BDH1: variants seen among roughly 807,000 people sequenced by gnomAD.
The protein encoded by BDH1 is 3-hydroxybutyrate dehydrogenase 1, also known as D-beta-hydroxybutyrate dehydrogenase, mitochondrial.
A neutral mutation model predicts 33.1 loss-of-function variants in BDH1; 30 were observed. The ratio of observed to expected loss-of-function variants is 0.91; its 90% CI spans 0.68 to 1.23. The LOEUF is 1.23. BDH1 is among the 50% of genes most tolerant of loss of function. BDH1 has a pLI of 0.00. For missense variants in BDH1, 443 were observed against 464.4 expected (o/e 0.95, Z 0.42); for synonymous variants, 190 against 183.6 (o/e 1.03, Z -0.28).
rs561689133 is a variant in BDH1, at chr3:197,550,955, T to C, written c.-44+3607A>G. ...TTTTATTTTTATGGGTAGGTCGTAG[T>C]TCTATATATTTACGGGGTACTATTT... On this transcript the variant is annotated intron_variant, in intron 2 of 7. Coordinates refer to ENST00000392379, the MANE Select transcript of BDH1 (RefSeq NM_203314.3). Among the ~76,000 whole-genome samples, 3 of 152,288 alleles carry C rather than the reference T, an allele frequency of 2.0e-5. No homozygotes were observed. In the East Asian group the frequency reaches 5.8e-4, roughly 29 times the overall value.
chr3:197,560,250 C>T (rs910701636), upstream of BDH1, among the ~76,000 whole-genome samples: 2 of 152,176 alleles, frequency 1.3e-5, no homozygotes, highest in African/African-American at 4.8e-5. Context: ...AATCTGCTAG[C>T]CTTAATAAAG....
intron 1 of BDH1, among the ~76,000 whole-genome samples, chr3:197,571,473 G>A (rs1053450488): frequency 2.0e-5 from 3 of 152,172 alleles, no homozygotes; most frequent in African/African-American, 7.2e-5. Flanking sequence ...TGTTGTGGAA[G>A]GGACCCAGTG....
chr3:197,522,736 C>T lies in BDH1; in HGVS notation c.313G>A (p.Asp105Asn). 1.9e-6 allele frequency: 3 copies of T among 1,614,192 alleles called. No homozygotes were observed. The highest frequency in any genetic ancestry group is 2.5e-6 in the Non-Finnish European group (3 of 1,180,038). The change falls in exon 6 of 8, where the codon GAC becomes AAC. Residue 105 changes from aspartate (D) to asparagine (N), a missense_variant. By Grantham distance (23) the Asp-to-Asn change is conservative. Transcript: ENST00000392379. This position sits in a 1 kb window ranked among gnomAD's most constrained non-coding sequence, Gnocchi z 4.8. ...TTGAGCTGGACGGTTCTCAATCGGT[C>T]ACTGTTTAGGCTGTCCAGCTCCTTG... Reference protein sequence around the residue: ...GVKELDSLNSDRLRTVQLNVC... With the variant: ...GVKELDSLNSNRLRTVQLNVC...
intron 3 of BDH1, chr3:197,538,341 G>A: frequency 2.2e-6 from 1 of 455,800 alleles, no homozygotes; most frequent in Non-Finnish European, 4.4e-6. Context: ...TTCAAATTTT[G>A]TTTTTTGTTT....
intron 3 of BDH1, among the ~76,000 whole-genome samples, chr3:197,542,671 A>C (rs1715751909): frequency 6.6e-6 from 1 of 151,590 alleles, no homozygotes; most frequent in Non-Finnish European, 1.5e-5. Flanking sequence ...TTACAGGCAC[A>C]CGCCACAGGC....
chr3:197,527,274 C>T (rs999219128), intron 5 of BDH1, among the ~76,000 whole-genome samples: 20 of 152,182 alleles, frequency 1.3e-4, no homozygotes, highest in Non-Finnish European at 2.4e-4. Flanking sequence ...AGTCAAGAAA[C>T]GAAGTGTTAC....
chr3:197,537,323 G>A (rs1319985806), intron 3 of BDH1, among the ~76,000 whole-genome samples: 1 of 152,170 alleles, frequency 6.6e-6, no homozygotes. Context: ...ATATCCATAT[G>A]TTCATTGCTA....
At position 197,525,329 on chromosome 3, in the gene BDH1, G is replaced by C. The variant is rs1365776161; in HGVS notation, c.268-2548C>G. Among the ~76,000 whole-genome samples the C allele has an allele frequency of 6.6e-6, 1 of 152,220 alleles. No individual in the cohort carries two copies. Among genetic ancestry groups the C allele is most frequent in the East Asian group, 1.9e-4 (1 of 5,196 alleles). On this transcript the variant is annotated intron_variant, in intron 5 of 7. Coordinates refer to ENST00000392379, the MANE Select transcript of BDH1 (RefSeq NM_203314.3). This position sits in a 1 kb window ranked among gnomAD's most constrained non-coding sequence, Gnocchi z 4.9. ...GGTGGATTCTAGCTGACATGCACAA[G>C]AGGTATCTAAATGTCCTTCCTCTTG...
At chr3:197,562,090 G>A (rs1717280090) in intron 1 of BDH1, among the ~76,000 whole-genome samples, 1 of 152,136 alleles carries the variant, frequency 6.6e-6, no homozygotes. Flanking sequence ...GACCTCTTTG[G>A]CTTTGGGGGA....
intron 2 of BDH1, among the ~76,000 whole-genome samples, chr3:197,550,693 G>A (rs890894799): frequency 6.6e-6 from 1 of 151,990 alleles, no homozygotes; most frequent in Non-Finnish European, 1.5e-5. Context: ...GGAGAAAGCC[G>A]ATCTGCAGGG....
chr3:197,535,396 G>A (rs1287777899), intron 3 of BDH1, among the ~76,000 whole-genome samples: 1 of 152,192 alleles, frequency 6.6e-6, no homozygotes, highest in Non-Finnish European at 1.5e-5. Context: ...AGGGTCTACT[G>A]CAGGGGCAAA....
intron 3 of BDH1, among the ~76,000 whole-genome samples, chr3:197,534,673 A>G (rs1304885934): frequency 6.6e-6 from 1 of 152,230 alleles, no homozygotes; most frequent in African/African-American, 2.4e-5. Flanking sequence ...GAAAGTGGCT[A>G]TAGTACGCTA....
chr3:197,564,346 ATATTAT>A (rs759512447), intron 1 of BDH1, among the ~76,000 whole-genome samples: 8 of 151,974 alleles, frequency 5.3e-5, no homozygotes, highest in Admixed American at 1.3e-4. Context: ...TCAAGTTGTC[ATATTAT>A]TATTAAGTTT....
intron 3 of BDH1, chr3:197,533,833 A>G (rs1714919297): frequency 2.2e-6 from 1 of 462,280 alleles, no homozygotes; most frequent in Admixed American, 3.7e-5. Context: ...GCTCTGCTAA[A>G]CCCTGGCCAT....
chr3:197,532,821 G>A (rs1346898142), intron 4 of BDH1, among the ~76,000 whole-genome samples: 1 of 152,208 alleles, frequency 6.6e-6, no homozygotes, highest in African/African-American at 2.4e-5. Context: ...AACGCTCAAT[G>A]TAGCTAGTGA....
intron 4 of BDH1, among the ~76,000 whole-genome samples, chr3:197,533,205 T>A (rs940211076): frequency 6.7e-6 from 1 of 148,956 alleles, no homozygotes; most frequent in Non-Finnish European, 1.5e-5. Flanking sequence ...AACCCCTAAC[T>A]TGCTGGGTGG....
rs1187010814 is a variant in BDH1 at position 197,520,560 on chromosome 3, C to T, written c.409+2080G>A. On this transcript the variant is annotated intron_variant, in intron 6 of 7. Coordinates refer to ENST00000392379, the MANE Select transcript of BDH1 (RefSeq NM_203314.3). This position sits in a 1 kb window ranked among gnomAD's most constrained non-coding sequence, Gnocchi z 6.0. ...AGTCAGGGGGGCAGGGGACGAGGAC[C>T]GCCAGCCTGAGCAAGCCGGCCTGGT... Among the ~76,000 whole-genome samples, 2 of 152,028 alleles carry T rather than the reference C, an allele frequency of 1.3e-5. No individual in the cohort carries two copies. The highest frequency in any genetic ancestry group is 4.8e-5 in the African/African-American group (2 of 41,406).
intron 4 of BDH1, among the ~76,000 whole-genome samples, chr3:197,533,179 C>T (rs144095532): frequency 0.014 from 2,156 of 152,220 alleles, 52 homozygotes; most frequent in Middle Eastern, 0.065. Flanking sequence ...CCTGGGCCTC[C>T]GGAGTCTAAA....
At chr3:197,518,623 C>T (rs1234692003) in intron 6 of BDH1, among the ~76,000 whole-genome samples, 1 of 11,512 alleles carries the variant, frequency 8.7e-5, no homozygotes, top group African/African-American at 3.4e-4. Flanking sequence ...GGTCTCCATC[C>T]CCCCTCAGGC....
Sources: allele counts gnomAD v4.1 joint callset (sites outside exome capture counted in the v4.1 genomes callset), GRCh38; gene constraint gnomAD v4.1.1; non-coding constraint Gnocchi (gnomAD v3.1); transcripts MANE v1.5; gene names NCBI Gene and HGNC (gene_info 2026-07-23, HGNC 2026-07-21).